AHCYL2: variants seen among roughly 807,000 people sequenced by gnomAD.
The protein encoded by AHCYL2 is adenosylhomocysteinase like 2.
In AHCYL2, 28 loss-of-function variants were observed where a neutral mutation model predicts 81.4. The ratio of observed to expected loss-of-function variants is 0.34; its 90% CI spans 0.25 to 0.47. The LOEUF (loss-of-function observed/expected upper bound fraction) is 0.47. AHCYL2 is among the 20% of genes least tolerant of loss of function. The probability of loss-of-function intolerance (pLI) is 1.00; values close to 1 mark genes in which losing one functional copy is unlikely to be tolerated. For synonymous variants in AHCYL2, 272 were observed against 290.2 expected (o/e 0.94, Z 0.64); for missense variants, 551 against 785.1 (o/e 0.70, Z 3.56).
intron 7 of AHCYL2, among the ~76,000 whole-genome samples, chr7:129,404,165 G>T (rs1796186514): frequency 6.6e-6 from 1 of 151,960 alleles, no homozygotes; most frequent in African/African-American, 2.4e-5. Flanking sequence ...ATGAGGAACT[G>T]CTCTAGATGC....
chr7:129,332,477 A>G (rs1428770269), intron 1 of AHCYL2, among the ~76,000 whole-genome samples: 1 of 152,224 alleles, frequency 6.6e-6, no homozygotes, highest in African/African-American at 2.4e-5. Flanking sequence ...GGCAGATGAA[A>G]TATGTTTAAA....
chr7:129,327,795 T>G (rs2150798437), intron 1 of AHCYL2, among the ~76,000 whole-genome samples: 2 of 150,670 alleles, frequency 1.3e-5, no homozygotes, highest in South Asian at 4.2e-4. Flanking sequence ...TTTTAATTTA[T>G]TATTATTATT....
intron 6 of AHCYL2, among the ~76,000 whole-genome samples, chr7:129,401,657 A>C (rs1796043608): frequency 6.6e-6 from 1 of 152,228 alleles, no homozygotes; most frequent in Non-Finnish European, 1.5e-5. Flanking sequence ...GAGTCAGCTC[A>C]TTCCAACAGT....
chr7:129,347,867 C>T (rs781358890), intron 1 of AHCYL2, among the ~76,000 whole-genome samples: 5 of 152,084 alleles, frequency 3.3e-5, no homozygotes, highest in Admixed American at 6.5e-5. Flanking sequence ...TACTTTACAC[C>T]CAAGTGGCAT....
rs541363379 is a variant in AHCYL2, at chr7:129,289,005, C to A, written c.363+63566C>A. ...CCGTGTTGCCCAGGCTGGTCCTGAACTCCTGGGCTCAAGCCATCTGCCAGC... is the reference window on the plus strand; with the variant it reads ...CCGTGTTGCCCAGGCTGGTCCTGAAATCCTGGGCTCAAGCCATCTGCCAGC... On this transcript the variant is annotated intron_variant, in intron 1 of 16. Coordinates refer to ENST00000325006, the MANE Select transcript of AHCYL2 (RefSeq NM_015328.4). Among the ~76,000 whole-genome samples, 7 of 152,288 alleles carry A rather than the reference C, an allele frequency of 4.6e-5. No homozygotes were observed. The South Asian group carries it at 1.5e-3, about 32-fold the overall frequency.
intron 13 of AHCYL2, 34 bp from the exon 14 acceptor site, chr7:129,424,840 C>T (rs1562881600): frequency 1.2e-6 from 2 of 1,611,224 alleles, no homozygotes; most frequent in Non-Finnish European, 1.7e-6. Flanking sequence ...CGACTTTGTC[C>T]TAATCCATTT....
At chr7:129,415,554 G>C (rs1796801960) in intron 12 of AHCYL2, among the ~76,000 whole-genome samples, 1 of 151,982 alleles carries the variant, frequency 6.6e-6, no homozygotes, top group African/African-American at 2.4e-5. Flanking sequence ...CAGGCACGGT[G>C]GCTCACACCT....
chr7:129,282,720 A>C (rs1796489045), intron 1 of AHCYL2, among the ~76,000 whole-genome samples: 1 of 151,660 alleles, frequency 6.6e-6, no homozygotes, highest in African/African-American at 2.4e-5. Context: ...ATGTTTGATA[A>C]ATTTTTGTGG....
chr7:129,326,743 C>T (rs1798240338), intron 1 of AHCYL2, among the ~76,000 whole-genome samples: 1 of 151,928 alleles, frequency 6.6e-6, no homozygotes. Flanking sequence ...AACTGCAGTG[C>T]AAAGCCTCAA....
At chr7:129,244,412 A>G (rs1794976339) in intron 1 of AHCYL2, among the ~76,000 whole-genome samples, 1 of 152,186 alleles carries the variant, frequency 6.6e-6, no homozygotes, top group Non-Finnish European at 1.5e-5. Flanking sequence ...TAGTCCACTC[A>G]GGTTGCTGTA....
chr7:129,282,545 A>C (rs1324803595), intron 1 of AHCYL2, among the ~76,000 whole-genome samples: 1 of 151,966 alleles, frequency 6.6e-6, no homozygotes, highest in Non-Finnish European at 1.5e-5. Flanking sequence ...TTATCTGTAG[A>C]AGTTGGATTT....
At chr7:129,353,916 C>T (rs1286482593) in intron 1 of AHCYL2, among the ~76,000 whole-genome samples, 3 of 151,684 alleles carry the variant, frequency 2.0e-5, no homozygotes, top group African/African-American at 4.8e-5. Flanking sequence ...AGTATAATAT[C>T]AGAAAAGCCA....
intron 4 of AHCYL2, among the ~76,000 whole-genome samples, chr7:129,395,475 C>G (rs1398183905): frequency 6.6e-6 from 1 of 152,170 alleles, no homozygotes; most frequent in African/African-American, 2.4e-5. Context: ...ATTTTCCTGC[C>G]CTTCCTGGAG....
intron 4 of AHCYL2, 47 bp downstream of exon 4, chr7:129,389,781 C>G (rs1159066689): frequency 6.7e-7 from 1 of 1,488,084 alleles, no homozygotes; most frequent in South Asian, 1.2e-5. Flanking sequence ...TTAATAATAG[C>G]CACGAGCTAC....
Position 129,430,142 on chromosome 7 carries a change from A to C in AHCYL2, c.*3097A>C, listed in dbSNP as rs183586671. 4.7e-3 allele frequency: 723 copies of C among 152,608 alleles called. 3 individuals are homozygous for C. The highest frequency in any genetic ancestry group is 6.8e-3 in the Middle Eastern group (2 of 294). 9.5% of individuals were successfully genotyped at this position (152,608 alleles called of 1,614,324 possible). ...AAGTTCTTGGAAATCTTTATGTCTAAGTGATTGTATTAGATCAGCAATAAT... is the reference window on the plus strand; with the variant it reads ...AAGTTCTTGGAAATCTTTATGTCTACGTGATTGTATTAGATCAGCAATAAT... On this transcript the variant is annotated 3_prime_UTR_variant, in exon 17 of 17. Coordinates refer to ENST00000325006, the MANE Select transcript of AHCYL2 (RefSeq NM_015328.4).
intron 15 of AHCYL2, among the ~76,000 whole-genome samples, chr7:129,425,409 T>A (rs1226109381): frequency 6.6e-6 from 1 of 152,082 alleles, no homozygotes; most frequent in East Asian, 1.9e-4. Context: ...AGTATCTTTA[T>A]GTGGGAATCT....
intron 1 of AHCYL2, among the ~76,000 whole-genome samples, chr7:129,255,655 G>A (rs1795392624): frequency 6.6e-6 from 1 of 152,212 alleles, no homozygotes; most frequent in African/African-American, 2.4e-5. Flanking sequence ...ATAGGCCTGG[G>A]TTGATGAACT....
intron 1 of AHCYL2, among the ~76,000 whole-genome samples, chr7:129,249,574 C>T (rs1310164373): frequency 2.0e-5 from 3 of 151,792 alleles, no homozygotes; most frequent in South Asian, 2.1e-4. Context: ...TACAGGCGCC[C>T]GCCACCGCGC....
intron 8 of AHCYL2, 137 bp downstream of exon 8, chr7:129,405,350 A>T (rs2402951): frequency 2.0e-6 from 1 of 491,582 alleles, no homozygotes; most frequent in Non-Finnish European, 3.6e-6. Context: ...TTGTCACCTC[A>T]TAAATTAAAA....
Sources: allele counts gnomAD v4.1 joint callset (sites outside exome capture counted in the v4.1 genomes callset), GRCh38; gene constraint gnomAD v4.1.1; transcripts MANE v1.5; gene names NCBI Gene and HGNC (gene_info 2026-07-23, HGNC 2026-07-21).